Variants in REEP3 observed in about 807,000 individuals in gnomAD.
The protein encoded by REEP3 is receptor expression-enhancing protein 3.
REEP3 carries 20 observed loss-of-function variants against 41.3 expected under a neutral mutation model. That is an observed-to-expected ratio of 0.48 (90% confidence interval 0.34 to 0.70). REEP3 has a LOEUF of 0.70. Among genes scored for constraint, REEP3 ranks in the 30% least tolerant of loss-of-function variants. REEP3 has a pLI of 0.01. For synonymous variants in REEP3, 104 were observed against 101.8 expected (o/e 1.02, Z -0.13); for missense variants, 271 against 308.8 (o/e 0.88, Z 0.92).
chr10:63,554,944 T>A (rs1047059099), intron 1 of REEP3, among the ~76,000 whole-genome samples: 2 of 152,174 alleles, frequency 1.3e-5, no homozygotes, highest in South Asian at 2.1e-4. Context: ...GGGGCGTGGC[T>A]AGTGGGGAGA....
At chr10:63,549,298 T>C (rs893491218) in intron 1 of REEP3, among the ~76,000 whole-genome samples, 14 of 152,194 alleles carry the variant, frequency 9.2e-5, no homozygotes, top group African/African-American at 3.4e-4. Context: ...CCAGGTGTGG[T>C]GGCTCATGCC....
At position 63,618,056 on chromosome 10, in the gene REEP3, C is replaced by T. The variant is rs375670222; in HGVS notation, c.566-1599C>T. Among the ~76,000 whole-genome samples the T allele has an allele frequency of 2.3e-3, 349 of 151,510 alleles. 4 individuals carry two copies. The highest frequency in any genetic ancestry group is 8.0e-3 in the African/African-American group (331 of 41,370). ...GGCCAGGCTGGTCTCGAACTCCTGA[C>T]CTCAGGTGATCCGCCCACCTTGGCC... is the stretch of plus-strand genomic sequence containing the variant. On this transcript the variant is annotated intron_variant, in intron 6 of 7. Transcript: ENST00000373758.
Position 63,574,847 on chromosome 10 carries a change from C to CTT in REEP3, c.105+8464_105+8465dup, listed in dbSNP as rs56001048. ...GAAGGCTATAATGAGAGGTCAATTTCTTTTTTTTTTTTTTTTTTTTTTTTT... is the reference window on the plus strand; with the variant it reads ...GAAGGCTATAATGAGAGGTCAATTTCTTTTTTTTTTTTTTTTTTTTTTTTTTT... On this transcript the variant is annotated intron_variant, in intron 2 of 7. Coordinates refer to ENST00000373758, the MANE Select transcript of REEP3 (RefSeq NM_001001330.3). 4.3e-3 allele frequency among the ~76,000 whole-genome samples: 252 copies of CTT among 58,946 alleles called. 29 individuals carry two copies. Among genetic ancestry groups the CTT allele is most frequent in the African/African-American group, 0.014 (225 of 15,868 alleles). The allele number at this position is 58,946 out of a possible 152,430, so 38.7% of individuals were successfully genotyped here.
At chr10:63,589,971 T>C (rs1956045323) in intron 2 of REEP3, among the ~76,000 whole-genome samples, 1 of 151,880 alleles carries the variant, frequency 6.6e-6, no homozygotes, top group Admixed American at 6.6e-5. Context: ...ATTTTTGTAT[T>C]TTTAGTAGAG....
intron 1 of REEP3, among the ~76,000 whole-genome samples, chr10:63,534,446 T>G (rs1955456076): frequency 6.6e-6 from 1 of 152,132 alleles, no homozygotes; most frequent in Non-Finnish European, 1.5e-5. Context: ...GATAGGGCCT[T>G]GTTATGTTGC....
chr10:63,610,494 G>T (rs1956269477), intron 6 of REEP3, among the ~76,000 whole-genome samples, 160 bp downstream of exon 6: 1 of 152,078 alleles, frequency 6.6e-6, no homozygotes, highest in Non-Finnish European at 1.5e-5. Flanking sequence ...TGGGTTGGTA[G>T]ATGCAGCAAA....
At chr10:63,540,062 GTATC>G (rs1955515019) in intron 1 of REEP3, among the ~76,000 whole-genome samples, 1 of 152,186 alleles carries the variant, frequency 6.6e-6, no homozygotes, top group Non-Finnish European at 1.5e-5. Flanking sequence ...GAAAATTTGA[GTATC>G]TAAAAATTAT....
rs57254958 is a variant in REEP3, at chr10:63,623,755, ATGTGTGTGTGTGTGTGTGTGTG to A, written c.*2908_*2929del. 2.1e-5 allele frequency: 3 copies of A among 142,302 alleles called. No individual in the cohort carries two copies. The highest frequency in any genetic ancestry group is 4.6e-5 in the Non-Finnish European group (3 of 65,340). The allele number at this position is 142,302 out of a possible 1,614,324, so 8.8% of individuals were successfully genotyped here. On this transcript the variant is annotated 3_prime_UTR_variant, in exon 8 of 8. Transcript: ENST00000373758. ...CCCCCTCACATACTTCACAATATATATGTGTGTGTGTGTGTGTGTGTGTGTGTGTGTGTGTGTGTGTGTATTT... is the reference window on the plus strand; with the variant it reads ...CCCCCTCACATACTTCACAATATATATGTGTGTGTGTGTGTGTGTGTATTT...
chr10:63,585,837 A>G (rs577535173), intron 2 of REEP3, among the ~76,000 whole-genome samples: 1 of 152,242 alleles, frequency 6.6e-6, no homozygotes, highest in East Asian at 1.9e-4. Flanking sequence ...TGTACCTCCA[A>G]CCATACCATA....
chr10:63,561,898 A>G (rs1955743225), intron 1 of REEP3, among the ~76,000 whole-genome samples: 1 of 152,246 alleles, frequency 6.6e-6, no homozygotes, highest in South Asian at 2.1e-4. Context: ...ACTAGATTGT[A>G]TGAGAATACA....
At chr10:63,601,825 A>T (rs1040767169) in intron 5 of REEP3, among the ~76,000 whole-genome samples, 2 of 152,038 alleles carry the variant, frequency 1.3e-5, no homozygotes, top group Non-Finnish European at 2.9e-5. Flanking sequence ...GGAGGCCAAG[A>T]CAGGAGAATC....
At chr10:63,546,006 T>C (rs1955575597) in intron 1 of REEP3, among the ~76,000 whole-genome samples, 1 of 151,902 alleles carries the variant, frequency 6.6e-6, no homozygotes, top group African/African-American at 2.4e-5. Flanking sequence ...TGGGGAAGAG[T>C]GTCCCAGGAA....
intron 2 of REEP3, among the ~76,000 whole-genome samples, chr10:63,580,168 GCT>G (rs998846602): frequency 6.6e-6 from 1 of 152,006 alleles, no homozygotes. Context: ...GGGTGGTATT[GCT>G]CTGTCGCCCA....
intron 1 of REEP3, among the ~76,000 whole-genome samples, chr10:63,541,009 G>A (rs970759972): frequency 5.3e-5 from 8 of 152,032 alleles, no homozygotes; most frequent in African/African-American, 1.9e-4. Context: ...TTATTTCTGG[G>A]CAGTGGATCT....
chr10:63,559,252 T>C (rs193096824), intron 1 of REEP3, among the ~76,000 whole-genome samples: 7 of 152,302 alleles, frequency 4.6e-5, no homozygotes, highest in African/African-American at 1.7e-4. Flanking sequence ...TTAACACTAC[T>C]AACTATGATA....
chr10:63,585,584 A>G (rs939169836), intron 2 of REEP3, among the ~76,000 whole-genome samples: 5 of 152,154 alleles, frequency 3.3e-5, no homozygotes, highest in African/African-American at 1.2e-4. Context: ...TGACTATCTC[A>G]TGTCAAAGGT....
intron 6 of REEP3, among the ~76,000 whole-genome samples, chr10:63,615,727 G>A (rs1402866183): frequency 1.3e-5 from 2 of 151,448 alleles, no homozygotes; most frequent in African/African-American, 2.4e-5. Flanking sequence ...GTATTTTTAA[G>A]TAGAGATGGG....
intron 3 of REEP3, among the ~76,000 whole-genome samples, chr10:63,597,377 T>C (rs539563205): frequency 1.3e-5 from 2 of 152,342 alleles, no homozygotes; most frequent in African/African-American, 4.8e-5. Context: ...GTCATGTACT[T>C]CCATGCCAGT....
At chr10:63,615,227 TTTAAA>T (rs1456745377) in intron 6 of REEP3, among the ~76,000 whole-genome samples, 1 of 152,230 alleles carries the variant, frequency 6.6e-6, no homozygotes, top group Non-Finnish European at 1.5e-5. Flanking sequence ...GTTGTTGTTG[TTTAAA>T]TTAACCTATT....
Sources: allele counts gnomAD v4.1 joint callset (sites outside exome capture counted in the v4.1 genomes callset), GRCh38; gene constraint gnomAD v4.1.1; transcripts MANE v1.5; gene names NCBI Gene and HGNC (gene_info 2026-07-23, HGNC 2026-07-21).